Variants in LRIF1 observed in about 807,000 individuals in gnomAD.
The protein encoded by LRIF1 is ligand-dependent nuclear receptor-interacting factor 1.
Under a neutral mutation model 52.7 loss-of-function variants are expected in LRIF1, and 32 were observed. The observed-to-expected ratio is 0.61, with a 90% confidence interval of 0.46 to 0.82. The LOEUF is 0.82. Among genes scored for constraint, LRIF1 ranks in the 40% least tolerant of loss-of-function variants. LRIF1 has a pLI of 0.00. For missense variants in LRIF1, 887 were observed against 892.0 expected (o/e 0.99, Z 0.07); for synonymous variants, 323 against 317.4 (o/e 1.02, Z -0.19).
the LRIF1 span, among the ~76,000 whole-genome samples, chr1:110,892,032 G>A: frequency 8.5e-5 from 13 of 152,350 alleles, no homozygotes; most frequent in Middle Eastern, 3.4e-3. Context: ...AGAAAGCCAT[G>A]TGTGAGCGAC....
At chr1:110,948,506 C>A in intron 3 of LRIF1, 107 bp from the exon 4 acceptor site, 3 of 1,435,274 alleles carry the variant, frequency 2.1e-6, no homozygotes, top group Non-Finnish European at 2.7e-6. Context: ...CTAGCTATTA[C>A]AATTAACAAA....
chr1:110,887,270 T>G, the LRIF1 span, among the ~76,000 whole-genome samples: 3 of 152,064 alleles, frequency 2.0e-5, no homozygotes, highest in Admixed American at 2.0e-4. Flanking sequence ...TTCACCGTGT[T>G]AGCCAGGATC....
chr1:110,919,384 T>A, the LRIF1 span, among the ~76,000 whole-genome samples: 2 of 152,170 alleles, frequency 1.3e-5, no homozygotes, highest in Non-Finnish European at 2.9e-5. Context: ...TGCATCTTTC[T>A]CCTGTGCTGG....
chr1:110,902,495 T>TA, the LRIF1 span, among the ~76,000 whole-genome samples: 3,092 of 72,342 alleles, frequency 0.043, 76 homozygotes, highest in Middle Eastern at 0.087. Flanking sequence ...AATCAATCAC[T>TA]AAAAAAAAAA....
the LRIF1 span, chr1:110,898,007 A>C: frequency 1.1e-4 from 59 of 540,674 alleles, 1 homozygote; most frequent in South Asian, 1.4e-3. Flanking sequence ...ATTTTTACTA[A>C]TATATGAATT....
chr1:110,958,900 T>C (rs563734510), intron 1 of LRIF1, among the ~76,000 whole-genome samples: 1 of 152,218 alleles, frequency 6.6e-6, no homozygotes, highest in Non-Finnish European at 1.5e-5. Flanking sequence ...ATGTAATGAG[T>C]TCTAAAAATT....
chr1:110,894,139 C>T, the LRIF1 span, among the ~76,000 whole-genome samples: 2 of 152,082 alleles, frequency 1.3e-5, no homozygotes, highest in Non-Finnish European at 2.9e-5. Context: ...GTTGATCTGC[C>T]CTCTAGAGTC....
At chr1:110,894,927 C>T in the LRIF1 span, 1 of 1,541,958 alleles carries the variant, frequency 6.5e-7, no homozygotes, top group African/African-American at 1.4e-5. Context: ...CTGCTTTTTA[C>T]CATGTCTCCT....
chr1:110,882,163 C>A, the LRIF1 span, among the ~76,000 whole-genome samples: 9 of 152,208 alleles, frequency 5.9e-5, no homozygotes, highest in African/African-American at 2.2e-4. Context: ...GGTGTCTTAT[C>A]TGAGAACTCT....
chr1:110,908,032 C>T, the LRIF1 span, among the ~76,000 whole-genome samples: 5 of 152,278 alleles, frequency 3.3e-5, no homozygotes, highest in South Asian at 4.1e-4. Context: ...ATTTATATCA[C>T]GGTGACCTTT....
At chr1:110,906,724 A>G in the LRIF1 span, among the ~76,000 whole-genome samples, 1 of 152,330 alleles carries the variant, frequency 6.6e-6, no homozygotes, top group South Asian at 2.1e-4. Context: ...GGAAGACTCA[A>G]TATTTTATAT....
downstream of LRIF1, among the ~76,000 whole-genome samples, chr1:110,946,691 C>G (rs552974744): frequency 8.5e-6 from 1 of 118,338 alleles, no homozygotes; most frequent in South Asian, 2.7e-4. Flanking sequence ...GAGTCTGGCT[C>G]TGTCGCCCAG....
chr1:110,914,865 T>G, the LRIF1 span, among the ~76,000 whole-genome samples: 69,121 of 152,052 alleles, frequency 0.45, 16,081 homozygotes, highest in East Asian at 0.69. Context: ...CTGGTGGAAA[T>G]GTTTCATGGT....
the LRIF1 span, among the ~76,000 whole-genome samples, chr1:110,885,571 A>G: frequency 2.0e-5 from 3 of 151,050 alleles, no homozygotes; most frequent in African/African-American, 7.3e-5. Context: ...CAACAAAAAA[A>G]GAGATTTAAG....
At chr1:110,924,789 A>T in the LRIF1 span, among the ~76,000 whole-genome samples, 1 of 152,244 alleles carries the variant, frequency 6.6e-6, no homozygotes, top group African/African-American at 2.4e-5. Flanking sequence ...TCACTCATGA[A>T]CATAGATGCA....
chr1:110,896,295 G>C, the LRIF1 span, among the ~76,000 whole-genome samples: 1 of 152,144 alleles, frequency 6.6e-6, no homozygotes, highest in African/African-American at 2.4e-5. Flanking sequence ...CTGTTGCATC[G>C]TGTAAGCAGG....
the LRIF1 span, among the ~76,000 whole-genome samples, chr1:110,928,697 T>C: frequency 1.3e-5 from 2 of 152,112 alleles, no homozygotes; most frequent in Non-Finnish European, 2.9e-5. Context: ...TGCAGCTAGC[T>C]AGAAGAGGAA....
the LRIF1 span, among the ~76,000 whole-genome samples, chr1:110,912,036 C>A: frequency 6.6e-6 from 1 of 152,082 alleles, no homozygotes; most frequent in Non-Finnish European, 1.5e-5. Context: ...ATAAAAGACA[C>A]CCAACTGGAA....
At chr1:110,936,305 A>C in the LRIF1 span, 1 of 152,190 alleles carries the variant, frequency 6.6e-6, no homozygotes, top group Non-Finnish European at 1.5e-5. Context: ...AGAATATTCT[A>C]ACACTGTAAC....
Sources: gnomAD v4.1 joint callset for allele counts (sites outside exome capture counted in the v4.1 genomes callset) on GRCh38, gnomAD v4.1.1 for gene constraint, MANE v1.5 for transcripts, NCBI Gene and HGNC (gene_info 2026-07-23, HGNC 2026-07-21) for gene names.